The following DPP6 variants were observed in gnomAD, a reference collection of about 807,000 sequenced individuals.
The protein encoded by DPP6 is A-type potassium channel modulatory protein DPP6.
In DPP6, 69 loss-of-function variants were observed where a neutral mutation model predicts 122.6. That is an observed-to-expected ratio of 0.56 (90% CI 0.46 to 0.69). DPP6 has a LOEUF of 0.69. DPP6 is among the 30% of genes least tolerant of loss of function. DPP6 has a pLI of 0.00. For synonymous variants in DPP6, 418 were observed against 433.1 expected, an observed-to-expected ratio of 0.97 and a Z score of 0.43; for missense variants, 928 against 1,116.9, an observed-to-expected ratio of 0.83 and a Z score of 2.41.
chr7:154,892,280 G>A (rs893336450), intron 25 of DPP6, 54 bp from the exon 26 acceptor site: 83 of 1,611,826 alleles, frequency 5.1e-5, no homozygotes, highest in Admixed American at 1.7e-5. Context: ...GTGCGTTCCC[G>A]TCCCCTGGGG....
chr7:154,545,897 C>T (rs557177745), intron 4 of DPP6, among the ~76,000 whole-genome samples: 1 of 152,280 alleles, frequency 6.6e-6, no homozygotes, highest in African/African-American at 2.4e-5. Flanking sequence ...ACAATGCTAT[C>T]AGTGACAAGA....
intron 1 of DPP6, among the ~76,000 whole-genome samples, chr7:153,953,414 T>C (rs1055324663): frequency 6.6e-6 from 1 of 152,188 alleles, no homozygotes; most frequent in Non-Finnish European, 1.5e-5. Context: ...TTTTTCTAAG[T>C]AAAAGATGTT....
At chr7:154,105,278 C>A (rs1306066557) in intron 1 of DPP6, among the ~76,000 whole-genome samples, 2 of 152,204 alleles carry the variant, frequency 1.3e-5, no homozygotes, top group African/African-American at 4.8e-5. Flanking sequence ...TTGATGACAT[C>A]ATTAACGAGG....
chr7:154,243,549 AC>A (rs1801783485), intron 1 of DPP6, among the ~76,000 whole-genome samples: 1 of 152,196 alleles, frequency 6.6e-6, no homozygotes, highest in Non-Finnish European at 1.5e-5. Context: ...TAATCCCAGC[AC>A]TTTGGGAGGC....
chr7:154,408,418 T>C (rs1816299960), intron 1 of DPP6, among the ~76,000 whole-genome samples: 1 of 152,088 alleles, frequency 6.6e-6, no homozygotes, highest in South Asian at 2.1e-4. Flanking sequence ...CTACTATCAG[T>C]TTTATGTGGT....
chr7:154,538,764 A>T (rs181573004), intron 3 of DPP6, among the ~76,000 whole-genome samples: 1 of 151,480 alleles, frequency 6.6e-6, no homozygotes, highest in Non-Finnish European at 1.5e-5. Context: ...ATGATTGCAG[A>T]GTCTTCCATG....
chr7:154,147,479 T>G (rs376406349), intron 1 of DPP6, among the ~76,000 whole-genome samples: 1 of 135,544 alleles, frequency 7.4e-6, no homozygotes, highest in Admixed American at 7.0e-5. Flanking sequence ...CCTTCCTTCC[T>G]TCCTTCCTTC....
At position 154,702,769 on chromosome 7, in the gene DPP6, T is replaced by C. The variant is rs1215788914; in HGVS notation, c.763-24998T>C. Among the ~76,000 whole-genome samples the C allele has an allele frequency of 2.0e-5, 3 of 152,232 alleles. No individual in the cohort carries two copies. The East Asian group carries it at 5.8e-4, about 29-fold the overall frequency. On this transcript the variant is annotated intron_variant, in intron 7 of 25. Coordinates refer to ENST00000377770, the MANE Select transcript of DPP6 (RefSeq NM_130797.4). ...GCAAGTGCTGATGGAGAAGCTGCAG[T>C]AAGTTATTCAGAAGATCCAGCTAAG...
At chr7:153,887,479 T>G in exon 1 of DPP6, 1 of 499,316 alleles carries the variant, frequency 2.0e-6, no homozygotes, top group Non-Finnish European at 3.6e-6. Flanking sequence ...CCAAAAAGAG[T>G]TGATTGCTAT....
At chr7:154,066,662 A>G (rs1585302749) in intron 1 of DPP6, among the ~76,000 whole-genome samples, 2 of 151,258 alleles carry the variant, frequency 1.3e-5, no homozygotes, top group South Asian at 4.2e-4. Flanking sequence ...AGTCTCATGT[A>G]AAAGGGCAAG....
chr7:153,905,392 G>T (rs568270079), intron 1 of DPP6, among the ~76,000 whole-genome samples: 2 of 152,044 alleles, frequency 1.3e-5, no homozygotes, highest in African/African-American at 4.8e-5. Context: ...TTCATTTTGG[G>T]TTATCATTTT....
chr7:154,676,541 G>A (rs1165810144), intron 7 of DPP6, among the ~76,000 whole-genome samples: 3 of 152,224 alleles, frequency 2.0e-5, no homozygotes, highest in Non-Finnish European at 2.9e-5. Flanking sequence ...CTACACAGGC[G>A]TTCCCTGACT....
At chr7:154,132,802 A>G (rs1416852240) in intron 1 of DPP6, among the ~76,000 whole-genome samples, 2 of 152,028 alleles carry the variant, frequency 1.3e-5, no homozygotes, top group East Asian at 1.9e-4. Flanking sequence ...GTGAAACCAC[A>G]TGGCACAGCT....
rs371089254 is a variant in DPP6, at chr7:154,457,109, A to C, written c.358+10781A>C. On this transcript the variant is annotated intron_variant, in intron 2 of 25. Coordinates refer to ENST00000377770, the MANE Select transcript of DPP6 (RefSeq NM_130797.4). ...AATACGTCCCATCAATACCTAATTT[A>C]TTGAGAGTTTTTAGCATGAAGGGTT... Among the ~76,000 whole-genome samples, 2 of 72,828 alleles carry C rather than the reference A, an allele frequency of 2.7e-5. 1 individual carries two copies. The highest frequency in any genetic ancestry group is 9.0e-5 in the African/African-American group (2 of 22,166). The allele number at this position is 72,828 out of a possible 152,430, so 47.8% of individuals were successfully genotyped here. A position where few individuals can be genotyped will look rare whatever the true frequency, so the allele number is the denominator to read the frequency against.
At chr7:153,776,583 AAC>A in the DPP6 span, among the ~76,000 whole-genome samples, 1 of 152,206 alleles carries the variant, frequency 6.6e-6, no homozygotes. Flanking sequence ...AGAACAGACT[AAC>A]ACAGATAGAT....
At chr7:154,795,035 T>C (rs926604689) in intron 11 of DPP6, among the ~76,000 whole-genome samples, 5 of 152,246 alleles carry the variant, frequency 3.3e-5, no homozygotes, top group Non-Finnish European at 5.9e-5. Context: ...TGGTCAGTCT[T>C]GCCTGACCTT....
intron 21 of DPP6, among the ~76,000 whole-genome samples, chr7:154,882,029 TG>T (rs1356589526): frequency 9.2e-5 from 14 of 152,206 alleles, no homozygotes; most frequent in Admixed American, 9.2e-4. Context: ...GCAGGGAGCC[TG>T]GGCCGTGGTC....
chr7:154,722,838 T>G (rs1187437995), intron 7 of DPP6, among the ~76,000 whole-genome samples: 2 of 152,172 alleles, frequency 1.3e-5, no homozygotes, highest in Non-Finnish European at 1.5e-5. Context: ...AAGTAAAAAT[T>G]CAGTCACTCA....
At chr7:154,685,968 T>C (rs894639772) in intron 7 of DPP6, among the ~76,000 whole-genome samples, 7 of 152,180 alleles carry the variant, frequency 4.6e-5, no homozygotes, top group African/African-American at 1.4e-4. Context: ...AAAGAAAGCC[T>C]GCCATGATGG....
Sources: gnomAD v4.1 joint callset for allele counts (sites outside exome capture counted in the v4.1 genomes callset) on GRCh38, gnomAD v4.1.1 for gene constraint, MANE v1.5 for transcripts, NCBI Gene and HGNC (gene_info 2026-07-23, HGNC 2026-07-21) for gene names.